MIB1: variants seen among roughly 807,000 people sequenced by gnomAD.
MIB1 encodes E3 ubiquitin-protein ligase MIB1.
MIB1 carries 278 observed loss-of-function variants against 124.5 expected under a neutral mutation model. The ratio of observed to expected loss-of-function variants is 2.23; its 90% CI spans 2.02 to 2.47. The LOEUF (loss-of-function observed/expected upper bound fraction) is 2.47, where lower values mean the gene tolerates loss of function less well. MIB1 is among the 30% of genes most tolerant of loss of function. MIB1 has a pLI of 0.00. For missense variants in MIB1, 957 were observed against 1,254.4 expected (o/e 0.76, Z 3.58); for synonymous variants, 446 against 429.4 (o/e 1.04, Z -0.48).
chr18:21,823,650 T>C (rs1384862157), intron 12 of MIB1, among the ~76,000 whole-genome samples: 1 of 152,150 alleles, frequency 6.6e-6, no homozygotes, highest in East Asian at 1.9e-4. Flanking sequence ...CTTTTAGAAT[T>C]GTGGAAGGGA....
intron 4 of MIB1, among the ~76,000 whole-genome samples, chr18:21,775,928 G>T (rs2041279704): frequency 6.6e-6 from 1 of 151,982 alleles, no homozygotes; most frequent in Non-Finnish European, 1.5e-5. Context: ...ATTTCCTTAG[G>T]ATAGATTCCT....
rs546082828 is a variant in MIB1 at position 21,815,261 on chromosome 18, T to C, written c.1480-355T>C. Among the ~76,000 whole-genome samples the C allele has an allele frequency of 1.3e-3, 201 of 151,672 alleles. 3 individuals carry two copies. The highest frequency in any genetic ancestry group is 4.5e-3 in the African/African-American group (186 of 41,348). ...ATAGCTCACTGTAACTTGAAACTCC[T>C]TGGCTCAAGCAATCCTCCTGTGTCA... On this transcript the variant is annotated intron_variant, in intron 10 of 20. Coordinates refer to ENST00000261537, the MANE Select transcript of MIB1 (RefSeq NM_020774.4).
rs890542926 is a variant in MIB1 at position 21,864,574 on chromosome 18, T to G, written c.2929T>G (p.Cys977Gly). 6.2e-7 allele frequency: 1 copy of G among 1,613,708 alleles called. No homozygotes were observed. The highest frequency in any genetic ancestry group is 8.5e-7 in the Non-Finnish European group (1 of 1,179,636). The stretch of plus-strand genomic sequence containing the variant: ...TCGTCTGAAGAATATGATTTTCCTT[T>G]GTGGTCACGGAACCTGTCAACTCTG... ...LDRLKNMIFL[C>G]GHGTCQLCGD... The change falls in exon 21 of 21, where the codon TGT becomes GGT. Residue 977 changes from cysteine (C) to glycine (G), a missense_variant. Transcript: ENST00000261537.
intron 12 of MIB1, among the ~76,000 whole-genome samples, chr18:21,821,893 G>A (rs150238161): frequency 0.011 from 1,700 of 152,208 alleles, 21 homozygotes; most frequent in Middle Eastern, 0.037. Context: ...GAGCCACCGC[G>A]CCCTTCCTCT....
chr18:21,780,150 A>T (rs928496962), intron 6 of MIB1, among the ~76,000 whole-genome samples: 4 of 152,156 alleles, frequency 2.6e-5, no homozygotes, highest in African/African-American at 9.7e-5. Context: ...TTTGGGATAC[A>T]TGTGATATTT....
intron 6 of MIB1, among the ~76,000 whole-genome samples, 156 bp downstream of exon 6, chr18:21,779,841 GAAAC>G (rs1237811496): frequency 1.3e-5 from 2 of 150,558 alleles, no homozygotes; most frequent in East Asian, 1.9e-4. Context: ...AAGGTGGAGA[GAAAC>G]AAATGATAAG....
At chr18:21,747,267 C>A (rs1470686318) in intron 1 of MIB1, among the ~76,000 whole-genome samples, 12 of 151,954 alleles carry the variant, frequency 7.9e-5, no homozygotes. Flanking sequence ...CTTAATAGTC[C>A]CTGTAGATTG....
At chr18:21,749,703 C>T (rs909137607) in intron 1 of MIB1, among the ~76,000 whole-genome samples, 11 of 133,276 alleles carry the variant, frequency 8.3e-5, no homozygotes, top group Non-Finnish European at 1.5e-4. Flanking sequence ...TACAATGGCG[C>T]GATCTTGGCT....
At chr18:21,783,615 T>C (rs1309026438) in intron 6 of MIB1, among the ~76,000 whole-genome samples, 1 of 152,168 alleles carries the variant, frequency 6.6e-6, no homozygotes, top group Non-Finnish European at 1.5e-5. Flanking sequence ...AAAGATTTAC[T>C]ACTGCTATTT....
chr18:21,792,681 G>A (rs1039742700), intron 7 of MIB1, among the ~76,000 whole-genome samples: 5 of 152,240 alleles, frequency 3.3e-5, no homozygotes, highest in East Asian at 1.9e-4. Context: ...TGTAGCTGCC[G>A]TACACATATA....
At chr18:21,767,435 G>A (rs2041174349) in intron 2 of MIB1, among the ~76,000 whole-genome samples, 1 of 152,142 alleles carries the variant, frequency 6.6e-6, no homozygotes, top group Non-Finnish European at 1.5e-5. Context: ...CCTCCCACTG[G>A]GTCCCTCCCT....
chr18:21,731,625 G>A (rs1006074111), intron 1 of MIB1, among the ~76,000 whole-genome samples: 48 of 151,642 alleles, frequency 3.2e-4, no homozygotes, highest in Non-Finnish European at 6.0e-4. Context: ...CCAGCTACTC[G>A]GGAGGCTGAG....
chr18:21,736,453 C>T (rs754225081), upstream of MIB1, among the ~76,000 whole-genome samples: 1 of 152,124 alleles, frequency 6.6e-6, no homozygotes, highest in Admixed American at 6.5e-5. Context: ...CAGAATGCCT[C>T]GTCTCCTTCA....
chr18:21,746,079 A>T (rs138511278), intron 1 of MIB1, among the ~76,000 whole-genome samples: 80 of 152,316 alleles, frequency 5.3e-4, no homozygotes, highest in African/African-American at 1.9e-3. Flanking sequence ...CAGAGGGAGA[A>T]CTGAGGTTGC....
intron 11 of MIB1, among the ~76,000 whole-genome samples, chr18:21,816,653 GTAGT>G (rs2041832077): frequency 6.6e-6 from 1 of 152,218 alleles, no homozygotes; most frequent in Admixed American, 6.5e-5. Flanking sequence ...TAAGCTGCTT[GTAGT>G]TTAGATAATT....
intron 13 of MIB1, among the ~76,000 whole-genome samples, chr18:21,838,947 C>T (rs113258011): frequency 9.2e-5 from 14 of 152,090 alleles, no homozygotes; most frequent in Non-Finnish European, 1.6e-4. Flanking sequence ...ATTTATGGCT[C>T]GATAGCAGTA....
chr18:21,783,263 G>A (rs3017053), intron 6 of MIB1, among the ~76,000 whole-genome samples: 3 of 148,730 alleles, frequency 2.0e-5, no homozygotes, highest in African/African-American at 7.4e-5. Flanking sequence ...TTTTTCTTGA[G>A]ATGGAATCTT....
chr18:21,731,515 C>T (rs756906467), intron 1 of MIB1, among the ~76,000 whole-genome samples: 86 of 151,898 alleles, frequency 5.7e-4, no homozygotes, highest in Non-Finnish European at 1.1e-3. Context: ...GGGTGGATCA[C>T]GAGGTCAGGA....
intron 4 of MIB1, among the ~76,000 whole-genome samples, chr18:21,776,139 G>A (rs55715139): frequency 0.26 from 39,304 of 151,734 alleles, 5,651 homozygotes; most frequent in South Asian, 0.39. Context: ...ATGGTGGTTT[G>A]CACCTGTAGT....
Sources: gnomAD v4.1 joint callset for allele counts (sites outside exome capture counted in the v4.1 genomes callset) on GRCh38, gnomAD v4.1.1 for gene constraint, MANE v1.5 for transcripts, NCBI Gene and HGNC (gene_info 2026-07-23, HGNC 2026-07-21) for gene names.